PIAS1: variants seen among roughly 807,000 people sequenced by gnomAD.
PIAS1 encodes protein inhibitor of activated STAT 1.
A neutral mutation model predicts 71.3 loss-of-function variants in PIAS1; 6 were observed. That is an observed-to-expected ratio of 0.08 (90% CI 0.05 to 0.17). The LOEUF (loss-of-function observed/expected upper bound fraction) is 0.17. PIAS1 is among the 10% of genes least tolerant of loss of function. PIAS1 has a pLI of 1.00. For missense variants in PIAS1, 555 were observed against 793.6 expected, an observed-to-expected ratio of 0.70 and a Z score of 3.61; for synonymous variants, 303 against 292.9, an observed-to-expected ratio of 1.03 and a Z score of -0.35.
chr15:68,176,474 G>C lies in PIAS1; in HGVS notation c.1301G>C (p.Gly434Ala), dbSNP rs949744041. 2.5e-6 allele frequency: 4 copies of C among 1,588,872 alleles called. No homozygotes were observed. In the African/African-American group the frequency reaches 5.4e-5, roughly 22 times the overall value. Residue 434 changes from glycine to alanine, a missense_variant and splice_region_variant, in exon 11 of 14, where the codon GGA (glycine) becomes GCA (alanine). By Grantham distance (60) the Gly-to-Ala change is moderately conservative. Transcript: ENST00000249636. ...TTGTATTTTAATCATTCCCATATAGGATGCTTGAGCTCCACATTGGAGCAT... is the reference window on the plus strand; with the variant it reads ...TTGTATTTTAATCATTCCCATATAGCATGCTTGAGCTCCACATTGGAGCAT... ...EVSASYNGVD[G>A]CLSSTLEHQV...
At chr15:68,108,816 C>T (rs1177551498) in intron 2 of PIAS1, among the ~76,000 whole-genome samples, 2 of 152,146 alleles carry the variant, frequency 1.3e-5, no homozygotes, top group East Asian at 3.8e-4. Flanking sequence ...GTTTTATTGG[C>T]TCCACCCTTA....
chr15:68,097,993 T>C (rs28750178), intron 2 of PIAS1, among the ~76,000 whole-genome samples: 2 of 152,182 alleles, frequency 1.3e-5, no homozygotes, highest in African/African-American at 4.8e-5. Flanking sequence ...GCTCTAATTT[T>C]ATTTTTTTCC....
rs2092775959 is a variant in PIAS1, at chr15:68,142,273, T to C, written c.555-17T>C. The stretch of plus-strand genomic sequence containing the variant: ...ATACTTTAAAAGTAATTGTAATTCC[T>C]ATTCTGTCTCTTCTAGGGATATTTC... On this transcript the variant is annotated splice_polypyrimidine_tract_variant and intron_variant, in intron 3 of 13. Transcript: ENST00000249636. 5 of 1,591,816 alleles carry C rather than the reference T, an allele frequency of 3.1e-6. No homozygotes were observed. The highest frequency in any genetic ancestry group is 4.3e-6 in the Non-Finnish European group (5 of 1,161,240).
At chr15:68,166,026 ATATTAGTCTTTTGTAATT>A (rs1315163766) in intron 8 of PIAS1, among the ~76,000 whole-genome samples, 1 of 152,196 alleles carries the variant, frequency 6.6e-6, no homozygotes, top group East Asian at 1.9e-4. Flanking sequence ...GTAATTACAA[ATATTAGTCTTTTGTAATT>A]TATGAAACTT....
At position 68,192,690 on chromosome 15, in the gene PIAS1, GC is replaced by G. The variant is rs2093126057; in HGVS notation, c.*4857del. ...CCCTGCAGTTTTCCCTGTGCCCGGT[GC>G]CTAGTGAAAGATTTGTGTCTTGTAC... On this transcript the variant is annotated 3_prime_UTR_variant, in exon 14 of 14. Transcript: ENST00000249636. 1 of 152,210 alleles carries G rather than the reference GC, an allele frequency of 6.6e-6. No individual in the cohort carries two copies. Among genetic ancestry groups the G allele is most frequent in the Non-Finnish European group, 1.5e-5 (1 of 68,088 alleles). The allele number at this position is 152,210 out of a possible 1,614,324, so 9.4% of individuals were successfully genotyped here.
In PIAS1 at chr15:68,186,607, ACATTCACTCAC is replaced by A. The variant is rs2093089435; in HGVS notation, c.1663-923_1663-913del. ...AGTGTACAATAATGTCCTAAGCCTC[ACATTCACTCAC>A]CATTCACTCACTGGCTCACCCAGAG... On this transcript the variant is annotated intron_variant, in intron 13 of 13. Transcript: ENST00000249636. The surrounding 1 kb of genome is among the most constrained non-coding windows in gnomAD (Gnocchi z 4.4). Among the ~76,000 whole-genome samples, 2 of 152,250 alleles carry A rather than the reference ACATTCACTCAC, an allele frequency of 1.3e-5. No homozygotes were observed. The highest frequency in any genetic ancestry group is 2.9e-5 in the Non-Finnish European group (2 of 68,044).
At chr15:68,057,189 A>G (rs1446859742) in intron 1 of PIAS1, among the ~76,000 whole-genome samples, 2 of 152,242 alleles carry the variant, frequency 1.3e-5, no homozygotes, top group Non-Finnish European at 1.5e-5. Flanking sequence ...GATATTGCCA[A>G]TAAAAATTAG....
Position 68,176,572 on chromosome 15 carries a change from T to TCATCTGATGAAGAGGAAGAAGAGC in PIAS1, c.1406_1429dup (p.Asp469_Ser476dup). ...AGTGATTGACCTAACCATAGACAGTTCATCTGATGAAGAGGAAGAAGAGCC... is the reference window on the plus strand; with the variant it reads ...AGTGATTGACCTAACCATAGACAGTTCATCTGATGAAGAGGAAGAAGAGCCATCTGATGAAGAGGAAGAAGAGCC... On this transcript the variant is annotated inframe_insertion, in exon 11 of 14. Coordinates refer to ENST00000249636, the MANE Select transcript of PIAS1 (RefSeq NM_016166.3). 1 of 1,613,232 alleles carries TCATCTGATGAAGAGGAAGAAGAGC rather than the reference T, an allele frequency of 6.2e-7. No homozygotes were observed. Among genetic ancestry groups the TCATCTGATGAAGAGGAAGAAGAGC allele is most frequent in the East Asian group, 2.2e-5 (1 of 44,824 alleles).
At chr15:68,146,508 T>C (rs745956458) in intron 5 of PIAS1, 58 bp from the exon 6 acceptor site, 195 of 1,379,744 alleles carry the variant, frequency 1.4e-4, no homozygotes, top group Non-Finnish European at 1.9e-4. Context: ...TCTTAAGGAA[T>C]GGAAGTCAAA....
chr15:68,074,715 C>G (rs1350656632), intron 1 of PIAS1, among the ~76,000 whole-genome samples: 1 of 152,060 alleles, frequency 6.6e-6, no homozygotes. Context: ...TATGAATTGT[C>G]CTTTAGACAT....
chr15:68,074,820 T>A (rs1434637131), intron 1 of PIAS1, among the ~76,000 whole-genome samples: 1 of 151,950 alleles, frequency 6.6e-6, no homozygotes, highest in Non-Finnish European at 1.5e-5. Context: ...AATTGCTTCT[T>A]ATCTGGAACT....
intron 1 of PIAS1, among the ~76,000 whole-genome samples, chr15:68,077,861 C>T (rs996513369): frequency 3.9e-5 from 6 of 152,202 alleles, no homozygotes; most frequent in Non-Finnish European, 8.8e-5. Flanking sequence ...CCCTCTAGGA[C>T]TTTTCCTTAA....
intron 1 of PIAS1, among the ~76,000 whole-genome samples, chr15:68,059,480 G>A (rs1263833243): frequency 6.6e-6 from 1 of 151,846 alleles, no homozygotes; most frequent in Admixed American, 6.6e-5. Context: ...GGGAGGCTGA[G>A]GTGGGCGGAT....
intron 2 of PIAS1, among the ~76,000 whole-genome samples, chr15:68,119,659 T>G (rs950218780): frequency 1.3e-5 from 2 of 152,112 alleles, no homozygotes; most frequent in African/African-American, 4.8e-5. Context: ...TTGAGTGGAG[T>G]GTTCTATAAA....
rs1347253181 is a variant in PIAS1, at chr15:68,185,032, T to C, written c.1662+1365T>C. 1.3e-5 allele frequency: 2 copies of C among 153,092 alleles called. No homozygotes were observed. Among genetic ancestry groups the C allele is most frequent in the Non-Finnish European group, 2.9e-5 (2 of 68,042 alleles). 9.5% of individuals were successfully genotyped at this position (153,092 alleles called of 1,614,324 possible). ...AGTACTGTTGAGAGAGTAACATACT[T>C]TTCAAGATGATGATTTTTGTTGATA... On this transcript the variant is annotated intron_variant, in intron 13 of 13. Coordinates refer to ENST00000249636, the MANE Select transcript of PIAS1 (RefSeq NM_016166.3). The surrounding 1 kb of genome is among the most constrained non-coding windows in gnomAD (Gnocchi z 4.4).
At chr15:68,164,838 T>C (rs758939080) in intron 8 of PIAS1, 34 bp downstream of exon 8, 104 of 1,138,764 alleles carry the variant, frequency 9.1e-5, no homozygotes, top group Non-Finnish European at 1.3e-4. Flanking sequence ...TTCCAGAAAG[T>C]TTAACATACA....
intron 8 of PIAS1, among the ~76,000 whole-genome samples, chr15:68,165,622 A>G (rs959077871): frequency 5.9e-5 from 9 of 152,226 alleles, no homozygotes; most frequent in African/African-American, 1.9e-4. Flanking sequence ...GTCAGAATCA[A>G]TCATTTTCAT....
intron 2 of PIAS1, among the ~76,000 whole-genome samples, chr15:68,100,094 T>TC: frequency 8.7e-6 from 1 of 114,384 alleles, no homozygotes; most frequent in South Asian, 3.6e-4. Flanking sequence ...TTGTATTTCT[T>TC]CGGGAAAAAA....
At chr15:68,082,225 G>A (rs2092235849) in intron 1 of PIAS1, among the ~76,000 whole-genome samples, 1 of 152,040 alleles carries the variant, frequency 6.6e-6, no homozygotes, top group South Asian at 2.1e-4. Flanking sequence ...GCTGCTAGAG[G>A]AAATACCCCA....
Sources: gnomAD v4.1 joint callset for allele counts (sites outside exome capture counted in the v4.1 genomes callset) on GRCh38, gnomAD v4.1.1 for gene constraint, Gnocchi (gnomAD v3.1) non-coding constraint, MANE v1.5 for transcripts, NCBI Gene and HGNC (gene_info 2026-07-23, HGNC 2026-07-21) for gene names.